The following PLCH1 variants were observed in gnomAD, a reference collection of about 807,000 sequenced individuals.
PLCH1 encodes 1-phosphatidylinositol 4,5-bisphosphate phosphodiesterase eta-1.
Under a neutral mutation model 126.7 loss-of-function variants are expected in PLCH1, and 60 were observed. The ratio of observed to expected loss-of-function variants is 0.47; its 90% CI spans 0.38 to 0.59. The LOEUF is 0.59. Ranked by LOEUF, PLCH1 falls within the 20% of genes least tolerant of loss-of-function variation. PLCH1 has a pLI of 0.00. For synonymous variants in PLCH1, 719 were observed against 734.9 expected, an observed-to-expected ratio of 0.98 and a Z score of 0.35; for missense variants, 1,723 against 2,040.0, an observed-to-expected ratio of 0.84 and a Z score of 2.99.
At chr3:155,624,686 G>A (rs1737001590) in intron 2 of PLCH1, among the ~76,000 whole-genome samples, 1 of 152,080 alleles carries the variant, frequency 6.6e-6, no homozygotes, top group African/African-American at 2.4e-5. Flanking sequence ...AACTTACAAG[G>A]GATGTGAAGG....
At chr3:155,629,994 T>C (rs1737838016) in intron 2 of PLCH1, among the ~76,000 whole-genome samples, 1 of 152,256 alleles carries the variant, frequency 6.6e-6, no homozygotes, top group Non-Finnish European at 1.5e-5. Context: ...AGCCTCCTAG[T>C]TAACTACTAT....
At chr3:155,734,968 C>A (rs2109193025) in intron 1 of PLCH1, among the ~76,000 whole-genome samples, 1 of 152,208 alleles carries the variant, frequency 6.6e-6, no homozygotes, top group Admixed American at 6.5e-5. Context: ...CTTGGCCTCC[C>A]AAAGTGCTGG....
intron 2 of PLCH1, among the ~76,000 whole-genome samples, chr3:155,672,167 A>G (rs1743547326): frequency 6.6e-6 from 1 of 152,194 alleles, no homozygotes; most frequent in Admixed American, 6.5e-5. Flanking sequence ...GGGGGAATCA[A>G]TGTCTTAAAG....
intron 1 of PLCH1, among the ~76,000 whole-genome samples, chr3:155,737,625 C>CTTCT (rs1170618634): frequency 6.6e-6 from 1 of 152,180 alleles, no homozygotes; most frequent in East Asian, 1.9e-4. Context: ...GAAGCAATCT[C>CTTCT]TTCTTTAAAA....
At chr3:155,553,895 A>G (rs1726461026) in intron 9 of PLCH1, among the ~76,000 whole-genome samples, 181 bp downstream of exon 9, 1 of 152,256 alleles carries the variant, frequency 6.6e-6, no homozygotes, top group Non-Finnish European at 1.5e-5. Context: ...ATGAGAAAGT[A>G]CAAACGGGAA....
intron 21 of PLCH1, among the ~76,000 whole-genome samples, chr3:155,466,126 G>A (rs1238442392): frequency 6.6e-6 from 1 of 152,174 alleles, no homozygotes; most frequent in Non-Finnish European, 1.5e-5. Context: ...AGAGCCCCAG[G>A]GCCTTCAGCA....
chr3:155,655,905 C>A (rs1215964948), intron 2 of PLCH1, among the ~76,000 whole-genome samples: 1 of 151,790 alleles, frequency 6.6e-6, no homozygotes, highest in Non-Finnish European at 1.5e-5. Context: ...GGAGAAAAAT[C>A]AATAAAACAG....
At chr3:155,581,426 C>T (rs1375674863) in intron 6 of PLCH1, among the ~76,000 whole-genome samples, 3 of 152,126 alleles carry the variant, frequency 2.0e-5, no homozygotes, top group Non-Finnish European at 4.4e-5. Flanking sequence ...AATATATAAA[C>T]AAAATGTGGT....
intron 10 of PLCH1, among the ~76,000 whole-genome samples, chr3:155,528,484 T>A (rs1232263354): frequency 6.6e-6 from 1 of 152,182 alleles, no homozygotes; most frequent in Non-Finnish European, 1.5e-5. Flanking sequence ...GATATCAACT[T>A]TCTTCACTTA....
intron 6 of PLCH1, among the ~76,000 whole-genome samples, chr3:155,569,602 C>A (rs1409588032): frequency 6.6e-6 from 1 of 152,088 alleles, no homozygotes; most frequent in African/African-American, 2.4e-5. Flanking sequence ...ACTCTACTGA[C>A]CCAGGCAGGC....
At chr3:155,464,431 T>G (rs536410962) in intron 21 of PLCH1, among the ~76,000 whole-genome samples, 7 of 152,280 alleles carry the variant, frequency 4.6e-5, no homozygotes, top group African/African-American at 1.7e-4. Context: ...TGCAGGCAAC[T>G]CCCCCAGCCA....
At chr3:155,533,811 A>G (rs1722994859) in intron 10 of PLCH1, among the ~76,000 whole-genome samples, 1 of 152,230 alleles carries the variant, frequency 6.6e-6, no homozygotes, top group African/African-American at 2.4e-5. Context: ...CAACCTAGCC[A>G]TGGCTAAAAG....
intron 2 of PLCH1, among the ~76,000 whole-genome samples, chr3:155,608,930 G>T (rs923199142): frequency 6.6e-6 from 1 of 152,126 alleles, no homozygotes; most frequent in Non-Finnish European, 1.5e-5. Flanking sequence ...CTGACTGGAG[G>T]TCAACCAACT....
intron 2 of PLCH1, among the ~76,000 whole-genome samples, chr3:155,645,321 T>C (rs1200525196): frequency 6.6e-6 from 1 of 152,202 alleles, no homozygotes; most frequent in African/African-American, 2.4e-5. Context: ...TCAATCCTCC[T>C]GCCTTAGCCT....
intron 2 of PLCH1, among the ~76,000 whole-genome samples, chr3:155,703,579 C>T (rs1047659334): frequency 6.6e-6 from 1 of 152,190 alleles, no homozygotes; most frequent in African/African-American, 2.4e-5. Flanking sequence ...AGCTGCAGTC[C>T]TCCACCCTGA....
At chr3:155,471,540 T>C (rs1268144834) in intron 21 of PLCH1, among the ~76,000 whole-genome samples, 1 of 145,852 alleles carries the variant, frequency 6.9e-6, no homozygotes, top group Non-Finnish European at 1.5e-5. Flanking sequence ...TCAACAAGGA[T>C]ACCCAGGAAT....
At chr3:155,590,693 T>C (rs1179967645) in intron 4 of PLCH1, among the ~76,000 whole-genome samples, 1 of 152,134 alleles carries the variant, frequency 6.6e-6, no homozygotes, top group Admixed American at 6.5e-5. Flanking sequence ...GAGCTTGCAG[T>C]GAGCCAAGAT....
chr3:155,469,501 G>C (rs1473724920), intron 21 of PLCH1, among the ~76,000 whole-genome samples: 2 of 152,032 alleles, frequency 1.3e-5, no homozygotes, highest in African/African-American at 4.8e-5. Flanking sequence ...GCTGGGGGAG[G>C]GGCGCCCGCC....
At position 155,492,285 on chromosome 3, in the gene PLCH1, G is replaced by A. The variant is rs142458268; in HGVS notation, c.2307+444C>T. Among the ~76,000 whole-genome samples, 23 of 152,292 alleles carry A rather than the reference G, an allele frequency of 1.5e-4. No homozygotes were observed. The East Asian group carries it at 2.9e-3, about 19-fold the overall frequency. On this transcript the variant is annotated intron_variant, in intron 18 of 22. Coordinates refer to ENST00000460012, the MANE Select transcript of PLCH1 (RefSeq NM_014996.4). ...GCAGATGAAGACATTTTAAAATCAC[G>A]CGACACAGGTACAGCAGATGATAAT...
Sources: allele counts gnomAD v4.1 joint callset (sites outside exome capture counted in the v4.1 genomes callset), GRCh38; gene constraint gnomAD v4.1.1; transcripts MANE v1.5; gene names NCBI Gene and HGNC (gene_info 2026-07-23, HGNC 2026-07-21).